CDCA7L: variants seen among roughly 807,000 people sequenced by gnomAD.
CDCA7L encodes cell division cycle associated 7 like.
A neutral mutation model predicts 57.4 loss-of-function variants in CDCA7L; 44 were observed. That is an observed-to-expected ratio of 0.77 (90% CI 0.60 to 0.98). The LOEUF is 0.98. CDCA7L is among the 50% of genes least tolerant of loss of function. CDCA7L has a pLI of 0.00. For missense variants in CDCA7L, 644 were observed against 580.6 expected, an observed-to-expected ratio of 1.11 and a Z score of -1.12; for synonymous variants, 236 against 202.8, an observed-to-expected ratio of 1.16 and a Z score of -1.39.
At chr7:21,930,586 A>C (rs927904349) in intron 1 of CDCA7L, among the ~76,000 whole-genome samples, 11 of 151,002 alleles carry the variant, frequency 7.3e-5, no homozygotes, top group African/African-American at 2.2e-4. Context: ...AATCCCAGCC[A>C]CTTGGGAGGC....
At chr7:21,917,669 A>G (rs1367062502) in intron 1 of CDCA7L, among the ~76,000 whole-genome samples, 3 of 152,232 alleles carry the variant, frequency 2.0e-5, no homozygotes, top group African/African-American at 7.2e-5. Context: ...GTTTCAACAA[A>G]TATTAGGTTG....
At chr7:21,938,712 A>G (rs1161266313) in intron 1 of CDCA7L, among the ~76,000 whole-genome samples, 2 of 152,220 alleles carry the variant, frequency 1.3e-5, no homozygotes, top group African/African-American at 2.4e-5. Flanking sequence ...TTCAGACTTT[A>G]AAAGAAATGA....
In CDCA7L at chr7:21,903,132, G is replaced by GCAGACACTT; in HGVS notation, c.1198-27_1198-19dup. ...ACCCAATCCTAACAGAGAGATGACA[G>GCAGACACTT]CAGACACTTCGCTCATTATCTACAG... On this transcript the variant is annotated intron_variant, in intron 8 of 9. Coordinates refer to ENST00000406877, the MANE Select transcript of CDCA7L (RefSeq NM_018719.5). The GCAGACACTT allele has an allele frequency of 6.2e-7, 1 of 1,609,464 alleles. No homozygotes were observed. Among genetic ancestry groups the GCAGACACTT allele is most frequent in the Middle Eastern group, 1.7e-4 (1 of 6,048 alleles).
At position 21,901,344 on chromosome 7, in the gene CDCA7L, CTTTTTAGTAACTCACACGTGCATT is replaced by C; in HGVS notation, c.*954_*977del. 7.2e-7 allele frequency: 1 copy of C among 1,384,736 alleles called. No individual in the cohort carries two copies. Among genetic ancestry groups the C allele is most frequent in the South Asian group, 2.1e-5 (1 of 47,684 alleles). The allele number at this position is 1,384,736 out of a possible 1,614,324, so 85.8% of individuals were successfully genotyped here. On this transcript the variant is annotated 3_prime_UTR_variant, in exon 10 of 10. Coordinates refer to ENST00000406877, the MANE Select transcript of CDCA7L (RefSeq NM_018719.5). Reference sequence around the variant, plus strand: ...ACTGTTCCCATGCACATTATTCTAACTTTTTAGTAACTCACACGTGCATTCTTTTTTCAACGCTATCCTTAGAGT... The same window carrying C: ...ACTGTTCCCATGCACATTATTCTAACCTTTTTTCAACGCTATCCTTAGAGT...
In CDCA7L at chr7:21,901,243, C is replaced by T; in HGVS notation, c.*1079G>A. The stretch of plus-strand genomic sequence containing the variant: ...GGTTCTGGCTGGAGTGGCTCTGCTT[C>T]TAGAAGCGTAAGGTAACACTGGCAT... On this transcript the variant is annotated 3_prime_UTR_variant, in exon 10 of 10. Transcript: ENST00000406877. 1 of 1,605,266 alleles carries T rather than the reference C, an allele frequency of 6.2e-7. No homozygotes were observed. The highest frequency in any genetic ancestry group is 1.1e-5 in the South Asian group (1 of 89,634).
In CDCA7L at chr7:21,916,615, C is replaced by T. The variant is rs993744447; in HGVS notation, c.165+139G>A. On this transcript the variant is annotated intron_variant, in intron 2 of 9. Coordinates refer to ENST00000406877, the MANE Select transcript of CDCA7L (RefSeq NM_018719.5). ...ACCAGTTTTTTAAAACAGGAAGACA[C>T]AGACATAATGTTTCTAAAATAAAAT... The T allele has an allele frequency of 2.4e-5, 18 of 746,752 alleles. No individual in the cohort carries two copies. In the East Asian group the frequency reaches 4.6e-4, roughly 19 times the overall value. 46.3% of individuals were successfully genotyped at this position (746,752 alleles called of 1,614,324 possible).
chr7:21,901,666 A>T lies in CDCA7L; in HGVS notation c.*656T>A, dbSNP rs1784869615. 6.4e-6 allele frequency: 1 copy of T among 157,144 alleles called. No homozygotes were observed. The highest frequency in any genetic ancestry group is 1.4e-5 in the Non-Finnish European group (1 of 71,232). The allele number at this position is 157,144 out of a possible 1,614,324, so 9.7% of individuals were successfully genotyped here. On this transcript the variant is annotated 3_prime_UTR_variant, in exon 10 of 10. Coordinates refer to ENST00000406877, the MANE Select transcript of CDCA7L (RefSeq NM_018719.5). The stretch of plus-strand genomic sequence containing the variant: ...AGATTTTAATTTTTAACAAACAACA[A>T]ATTAAATTATTAGCCCTTAAACTCT...
Position 21,902,281 on chromosome 7 carries a change from AGTACTCTATG to A in CDCA7L, c.*31_*40del. The A allele has an allele frequency of 6.3e-7, 1 of 1,597,160 alleles. No individual in the cohort carries two copies. The highest frequency in any genetic ancestry group is 2.2e-5 in the East Asian group (1 of 44,800). On this transcript the variant is annotated 3_prime_UTR_variant, in exon 10 of 10. Transcript: ENST00000406877. ...ACCAATGGTATGCATGTCTTGTTGG[AGTACTCTATG>A]GTGAGGTGGCTGGTTCTGTTTGTTT...
intron 1 of CDCA7L, chr7:21,944,802 G>A (rs60978274): frequency 1.3e-5 from 2 of 151,824 alleles, no homozygotes; most frequent in Non-Finnish European, 2.9e-5. Flanking sequence ...CAGGCACGCA[G>A]GTGGAGGAAA....
Position 21,902,045 on chromosome 7 carries a change from C to T in CDCA7L, c.*277G>A. On this transcript the variant is annotated 3_prime_UTR_variant, in exon 10 of 10. Coordinates refer to ENST00000406877, the MANE Select transcript of CDCA7L (RefSeq NM_018719.5). ...TACTTACCTGAACTTTAACCCCACC[C>T]CATTTAAACTGTGCTTTTTAATAAC... The T allele has an allele frequency of 2.2e-6, 1 of 450,454 alleles. No individual in the cohort carries two copies. The highest frequency in any genetic ancestry group is 4.0e-6 in the Non-Finnish European group (1 of 248,666). The allele number at this position is 450,454 out of a possible 1,614,324, so 27.9% of individuals were successfully genotyped here. A position where few individuals can be genotyped will look rare whatever the true frequency, so the allele number is the denominator to read the frequency against.
In CDCA7L at chr7:21,901,311, G is replaced by C; in HGVS notation, c.*1011C>G. 4 of 1,482,202 alleles carry C rather than the reference G, an allele frequency of 2.7e-6. No individual in the cohort carries two copies. Among genetic ancestry groups the C allele is most frequent in the Non-Finnish European group, 3.6e-6 (4 of 1,108,764 alleles). The allele number at this position is 1,482,202 out of a possible 1,614,324, so 91.8% of individuals were successfully genotyped here. On this transcript the variant is annotated 3_prime_UTR_variant, in exon 10 of 10. Coordinates refer to ENST00000406877, the MANE Select transcript of CDCA7L (RefSeq NM_018719.5). ...GAGTGCAGTGAGGATTTTCTAGCAT[G>C]TTGCTGCACTGTTCCCATGCACATT...
chr7:21,912,708 C>T (rs1010484173), intron 2 of CDCA7L, among the ~76,000 whole-genome samples: 1 of 152,176 alleles, frequency 6.6e-6, no homozygotes, highest in African/African-American at 2.4e-5. Flanking sequence ...CATGAGCAGA[C>T]ACCATGGGGG....
At chr7:21,906,865 T>A (rs1785158319) in intron 4 of CDCA7L, among the ~76,000 whole-genome samples, 1 of 152,142 alleles carries the variant, frequency 6.6e-6, no homozygotes, top group South Asian at 2.1e-4. Flanking sequence ...CTATTCCTTA[T>A]ATATAAGGAC....
chr7:21,912,402 C>T (rs1010202198), intron 2 of CDCA7L, among the ~76,000 whole-genome samples: 3 of 152,056 alleles, frequency 2.0e-5, no homozygotes, highest in African/African-American at 7.3e-5. Context: ...GGTGTAGTCT[C>T]AATCAGCTTC....
rs1188487629 is a variant in CDCA7L at position 21,902,287 on chromosome 7, C to G, written c.*35G>C. ...GGTATGCATGTCTTGTTGGAGTACT[C>G]TATGGTGAGGTGGCTGGTTCTGTTT... On this transcript the variant is annotated 3_prime_UTR_variant, in exon 10 of 10. Transcript: ENST00000406877. The G allele has an allele frequency of 6.3e-7, 1 of 1,595,234 alleles. No individual in the cohort carries two copies. Among genetic ancestry groups the G allele is most frequent in the South Asian group, 1.1e-5 (1 of 90,890 alleles).
At chr7:21,908,570 CATTTA>C (rs1785215185) in intron 3 of CDCA7L, 63 bp from the exon 4 acceptor site, 20 of 1,386,222 alleles carry the variant, frequency 1.4e-5, no homozygotes, top group Non-Finnish European at 1.9e-5. Flanking sequence ...AAAAGACATG[CATTTA>C]AAACAACTGA....
chr7:21,939,574 T>C (rs1786278842), intron 1 of CDCA7L, among the ~76,000 whole-genome samples: 1 of 152,150 alleles, frequency 6.6e-6, no homozygotes. Flanking sequence ...AGATAGAACA[T>C]GTGAAGCCAA....
In CDCA7L at chr7:21,901,305, T is replaced by TTAGCCTCTGCTGGAGTGC; in HGVS notation, c.*1016_*1017insGCACTCCAGCAGAGGCTA. ...CTGCTGGAGTGCAGTGAGGATTTTC[T>TTAGCCTCTGCTGGAGTGC]AGCATGTTGCTGCACTGTTCCCATG... On this transcript the variant is annotated 3_prime_UTR_variant, in exon 10 of 10. Coordinates refer to ENST00000406877, the MANE Select transcript of CDCA7L (RefSeq NM_018719.5). The TTAGCCTCTGCTGGAGTGC allele has an allele frequency of 1.5e-5, 24 of 1,549,290 alleles. No individual in the cohort carries two copies. The highest frequency in any genetic ancestry group is 5.1e-5 in the South Asian group (4 of 78,896).
intron 6 of CDCA7L, 98 bp downstream of exon 6, chr7:21,906,191 G>T: frequency 8.5e-7 from 1 of 1,176,960 alleles, no homozygotes; most frequent in South Asian, 1.6e-5. Context: ...GCAGACCCAC[G>T]GGGTCAGAAC....
Sources: allele counts gnomAD v4.1 joint callset (sites outside exome capture counted in the v4.1 genomes callset), GRCh38; gene constraint gnomAD v4.1.1; transcripts MANE v1.5; gene names NCBI Gene and HGNC (gene_info 2026-07-23, HGNC 2026-07-21).